Variants in ABCA3 observed in about 807,000 individuals in gnomAD.
ABCA3 encodes ATP binding cassette subfamily A member 3, also known as phospholipid-transporting ATPase ABCA3.
ABCA3 carries 88 observed loss-of-function variants against 172.8 expected under a neutral mutation model. The ratio of observed to expected loss-of-function variants is 0.51; its 90% CI spans 0.43 to 0.61. The LOEUF is 0.61. ABCA3 is among the 20% of genes least tolerant of loss of function. The pLI is 0.00. For synonymous variants in ABCA3, 1,066 were observed against 983.8 expected, an observed-to-expected ratio of 1.08 and a Z score of -1.56; for missense variants, 2,164 against 2,301.0, an observed-to-expected ratio of 0.94 and a Z score of 1.22.
rs1254857243 is a variant in ABCA3, at chr16:2,304,051, A to G, written c.1385T>C (p.Leu462Pro). The change falls in exon 12 of 33, where the codon CTC becomes CCC. Residue 462 changes from leucine to proline, a missense_variant. Leu to Pro is a moderately conservative substitution (Grantham distance 98, BLOSUM62 -3). Around this residue, in one of 3 missense-constraint regions of ABCA3, gnomAD observed 1,343 missense variants for 1,369.6 expected, o/e 0.98. Transcript: ENST00000301732. ...CATGTACCAGGTCACCAGGCCATAG[A>G]GCACAGAGTCCAGCAGCAGCATCCC... is the stretch of plus-strand genomic sequence containing the variant. ...VLGMLLLDSV[L>P]YGLVTWYMEA... The G allele has an allele frequency of 6.2e-7, 1 of 1,614,084 alleles. No individual in the cohort carries two copies. Among genetic ancestry groups the G allele is most frequent in the Non-Finnish European group, 8.5e-7 (1 of 1,180,038 alleles).
chr16:2,326,203 G>A lies in ABCA3; in HGVS notation c.126C>T (p.Leu42=), dbSNP rs2093734132. Residue 42 remains leucine, a synonymous_variant, in exon 5 of 33, where the codon CTC becomes CTT. Transcript: ENST00000301732. ...PLLFSGILIW[L]RLKIQSENVP... Reference sequence around the variant, plus strand: ...CATTTTCCGACTGAATCTTCAAGCGGAGCCAGATGAGGATCCCAGAAAACA... The same window carrying A: ...CATTTTCCGACTGAATCTTCAAGCGAAGCCAGATGAGGATCCCAGAAAACA... The A allele has an allele frequency of 6.2e-7, 1 of 1,614,128 alleles. No homozygotes were observed. Among genetic ancestry groups the A allele is most frequent in the African/African-American group, 1.3e-5 (1 of 75,064 alleles).
At chr16:2,318,145 C>T (rs191273798) in intron 8 of ABCA3, among the ~76,000 whole-genome samples, 26 of 152,332 alleles carry the variant, frequency 1.7e-4, no homozygotes, top group Non-Finnish European at 2.8e-4. Context: ...TTCCCAACCA[C>T]GTCAACACCA....
At chr16:2,289,762 C>A in intron 19 of ABCA3, 142 bp from the exon 20 acceptor site, 2 of 855,662 alleles carry the variant, frequency 2.3e-6, no homozygotes, top group Non-Finnish European at 1.8e-6. Context: ...TTTCCTCACT[C>A]ATCAGTGTCT....
intron 13 of ABCA3, 39 bp from the exon 14 acceptor site, chr16:2,299,571 C>T (rs1335761155): frequency 3.7e-6 from 6 of 1,609,548 alleles, no homozygotes; most frequent in Non-Finnish European, 3.4e-6. Flanking sequence ...CTACCCACAG[C>T]CCCGAGGCCC....
chr16:2,293,530 C>T (rs917239366), intron 18 of ABCA3, among the ~76,000 whole-genome samples: 11 of 150,478 alleles, frequency 7.3e-5, no homozygotes, highest in African/African-American at 2.2e-4. Flanking sequence ...CACAACTACA[C>T]GTGGCTAAGT....
rs896806259 is a variant in ABCA3 at position 2,286,529 on chromosome 16, T to C, written c.3278+165A>G. Among the ~76,000 whole-genome samples the C allele has an allele frequency of 1.3e-5, 2 of 151,718 alleles. No homozygotes were observed. The highest frequency in any genetic ancestry group is 2.4e-5 in the African/African-American group (1 of 41,204). ...ACAGCTGATCTGCTGTCACAGGGAGTTGGGGCTGTGGATGGTGGAGGAGGA... is the reference window on the plus strand; with the variant it reads ...ACAGCTGATCTGCTGTCACAGGGAGCTGGGGCTGTGGATGGTGGAGGAGGA... On this transcript the variant is annotated intron_variant, in intron 22 of 32. Coordinates refer to ENST00000301732, the MANE Select transcript of ABCA3 (RefSeq NM_001089.3). This position sits in a 1 kb window ranked among gnomAD's most constrained non-coding sequence, Gnocchi z 5.2.
intron 1 of ABCA3, among the ~76,000 whole-genome samples, chr16:2,340,228 C>T (rs763376054): frequency 6.6e-6 from 1 of 152,166 alleles, no homozygotes; most frequent in South Asian, 2.1e-4. Flanking sequence ...TCTGGGCGCA[C>T]ACAGAGGGCC....
In ABCA3 at chr16:2,284,077, A is replaced by T. The variant is rs1370903968; in HGVS notation, c.3862+202T>A. 3.4e-6 allele frequency: 2 copies of T among 588,134 alleles called. No individual in the cohort carries two copies. The highest frequency in any genetic ancestry group is 5.9e-6 in the Non-Finnish European group (2 of 338,644). 36.4% of individuals were successfully genotyped at this position (588,134 alleles called of 1,614,324 possible). A position where few individuals can be genotyped will look rare whatever the true frequency, so the allele number is the denominator to read the frequency against. On this transcript the variant is annotated intron_variant, in intron 25 of 32. Coordinates refer to ENST00000301732, the MANE Select transcript of ABCA3 (RefSeq NM_001089.3). This position sits in a 1 kb window ranked among gnomAD's most constrained non-coding sequence, Gnocchi z 5.9. Reference sequence around the variant, plus strand: ...ATGCCCAGACACTGAGGCAGGTGGGAGAGTGGGAGCTCAGGTACAGGGCCT... The same window carrying T: ...ATGCCCAGACACTGAGGCAGGTGGGTGAGTGGGAGCTCAGGTACAGGGCCT...
chr16:2,330,698 T>A (rs1272275552), intron 1 of ABCA3, among the ~76,000 whole-genome samples: 1 of 2,532 alleles, frequency 3.9e-4, no homozygotes, highest in East Asian at 0.018. Context: ...AACACCACCC[T>A]TTTTTTTTTT....
rs79100686 is a variant in ABCA3, at chr16:2,301,713, G to GA, written c.1468-1566dup. Among the ~76,000 whole-genome samples the GA allele has an allele frequency of 2.8e-3, 289 of 104,706 alleles. 1 individual carries two copies. Among genetic ancestry groups the GA allele is most frequent in the Middle Eastern group, 0.014 (3 of 212 alleles). The allele number at this position is 104,706 out of a possible 152,430, so 68.7% of individuals were successfully genotyped here. ...CAACAGAGCTAGACTCCGAATCAAA[G>GA]AAAAAAAAAAAAAAAGAAATGACCT... On this transcript the variant is annotated intron_variant, in intron 12 of 32. Coordinates refer to ENST00000301732, the MANE Select transcript of ABCA3 (RefSeq NM_001089.3).
At chr16:2,295,790 T>C (rs1249373613) in intron 17 of ABCA3, 50 bp from the exon 18 acceptor site, 1 of 1,611,238 alleles carries the variant, frequency 6.2e-7, no homozygotes, top group African/African-American at 1.3e-5. Flanking sequence ...CCCAGGTCTC[T>C]TCATGCCCAC....
chr16:2,309,156 C>T (rs913315555), intron 10 of ABCA3, among the ~76,000 whole-genome samples: 2 of 152,134 alleles, frequency 1.3e-5, no homozygotes, highest in Admixed American at 6.6e-5. Context: ...CCGTGTTAGC[C>T]AGGATGGTCT....
rs1008996775 is a variant in ABCA3, at chr16:2,283,053, C to T, written c.4035+133G>A. 1.1e-5 allele frequency: 12 copies of T among 1,050,216 alleles called. No homozygotes were observed. The Admixed American group carries it at 1.4e-4, about 12-fold the overall frequency. The allele number at this position is 1,050,216 out of a possible 1,614,324, so 65.1% of individuals were successfully genotyped here. A position where few individuals can be genotyped will look rare whatever the true frequency, so the allele number is the denominator to read the frequency against. On this transcript the variant is annotated intron_variant, in intron 26 of 32. Coordinates refer to ENST00000301732, the MANE Select transcript of ABCA3 (RefSeq NM_001089.3). This position sits in a 1 kb window ranked among gnomAD's most constrained non-coding sequence, Gnocchi z 5.4. ...TGTAAGTGCCGGCTGGTGCTGAGGC[C>T]GTACAGTGGGAGACCATCTGGTGCA... is the stretch of plus-strand genomic sequence containing the variant.
chr16:2,307,016 C>T (rs1242385688), intron 11 of ABCA3, among the ~76,000 whole-genome samples: 19 of 66,024 alleles, frequency 2.9e-4, no homozygotes, highest in African/African-American at 9.4e-4. Flanking sequence ...GACTCCGTCT[C>T]AAAAAAAAAA....
At chr16:2,293,367 CTTTTT>C (rs71148126) in intron 18 of ABCA3, among the ~76,000 whole-genome samples, 4 of 103,426 alleles carry the variant, frequency 3.9e-5, no homozygotes, top group Non-Finnish European at 5.7e-5. Flanking sequence ...GCCAAAATGC[CTTTTT>C]TTTTTTTTTT....
chr16:2,305,925 T>C (rs1007549718), intron 11 of ABCA3, among the ~76,000 whole-genome samples: 3 of 152,188 alleles, frequency 2.0e-5, no homozygotes, highest in African/African-American at 7.2e-5. Flanking sequence ...TTTGCCAACA[T>C]TGCAGTCCTG....
intron 14 of ABCA3, 148 bp from the exon 15 acceptor site, chr16:2,298,688 G>A (rs1429936865): frequency 2.1e-6 from 2 of 960,194 alleles, no homozygotes; most frequent in Admixed American, 4.6e-5. Flanking sequence ...TCCCACTGGG[G>A]TGGGCTTTGG....
rs1016238631 is a variant in ABCA3 at position 2,328,735 on chromosome 16, G to C, written c.-309C>G. On this transcript the variant is annotated 5_prime_UTR_variant, in exon 3 of 33. Transcript: ENST00000301732. ...TCACAGTGGAAGAGTTTCAGGTTCA[G>C]TTGCTCAGCTCCACACTCATGGCTG... 1 of 345,584 alleles carries C rather than the reference G, an allele frequency of 2.9e-6. No individual in the cohort carries two copies. Among genetic ancestry groups the C allele is most frequent in the African/African-American group, 2.1e-5 (1 of 46,768 alleles). The allele number at this position is 345,584 out of a possible 1,614,324, so 21.4% of individuals were successfully genotyped here.
At position 2,277,687 on chromosome 16, in the gene ABCA3, C is replaced by A; in HGVS notation, c.4910-17G>T. 1 of 1,613,066 alleles carries A rather than the reference C, an allele frequency of 6.2e-7. No homozygotes were observed. Reference sequence around the variant, plus strand: ...GGACGCTGCCTGCACAAAGGAGAGACGGTGTTGCTGTGAGCGCCGGGCTGG... The same window carrying A: ...GGACGCTGCCTGCACAAAGGAGAGAAGGTGTTGCTGTGAGCGCCGGGCTGG... On this transcript the variant is annotated splice_polypyrimidine_tract_variant and intron_variant, in intron 31 of 32. Coordinates refer to ENST00000301732, the MANE Select transcript of ABCA3 (RefSeq NM_001089.3). The surrounding 1 kb of genome is among the most constrained non-coding windows in gnomAD (Gnocchi z 5.3).
Sources: gnomAD v4.1 joint callset for allele counts (sites outside exome capture counted in the v4.1 genomes callset) on GRCh38, gnomAD v4.1.1 for gene constraint, gnomAD v4.1.1 regional missense constraint, Gnocchi (gnomAD v3.1) non-coding constraint, MANE v1.5 for transcripts, NCBI Gene and HGNC (gene_info 2026-07-23, HGNC 2026-07-21) for gene names.